The following ATG9A variants were observed in gnomAD, a reference collection of about 807,000 sequenced individuals.
The protein encoded by ATG9A is autophagy-related protein 9A.
ATG9A carries 21 observed loss-of-function variants against 87.1 expected under a neutral mutation model. The observed-to-expected ratio is 0.24, with a 90% CI of 0.17 to 0.35. ATG9A has a LOEUF of 0.35. Among genes scored for constraint, ATG9A ranks in the 10% least tolerant of loss-of-function variants. The pLI is 1.00. For missense variants in ATG9A, 836 were observed against 1,107.3 expected, an observed-to-expected ratio of 0.76 and a Z score of 3.48; for synonymous variants, 422 against 441.3, an observed-to-expected ratio of 0.96 and a Z score of 0.55.
At chr2:219,220,625 G>T in intron 15 of ATG9A, 122 bp downstream of exon 15, 1 of 1,491,328 alleles carries the variant, frequency 6.7e-7, no homozygotes, top group Non-Finnish European at 9.2e-7. Flanking sequence ...AGTGTGTTTT[G>T]GAAGGGAGGG....
Position 219,220,387 on chromosome 2 carries a change from CG to C in ATG9A, c.*59del. The C allele has an allele frequency of 6.3e-7, 1 of 1,598,264 alleles. No individual in the cohort carries two copies. The highest frequency in any genetic ancestry group is 1.1e-5 in the South Asian group (1 of 90,546). On this transcript the variant is annotated 3_prime_UTR_variant, in exon 16 of 16. Transcript: ENST00000361242. ...GAGGAGCCGTCCCATGGCAGGCAGA[CG>C]GGATGGCAGGGCAGCGGTGGCCTCC...
Position 219,227,471 on chromosome 2 carries a change from C to A in ATG9A, c.147+299G>T, listed in dbSNP as rs368672011. On this transcript the variant is annotated intron_variant, in intron 4 of 15. Transcript: ENST00000361242. The stretch of plus-strand genomic sequence containing the variant: ...GGTGGAGGTTGCAGTGTGTTGAGAT[C>A]GCCCCTGGACTCTAGCAGCAACAGA... Among the ~76,000 whole-genome samples, 3 of 151,832 alleles carry A rather than the reference C, an allele frequency of 2.0e-5. No homozygotes were observed. In the South Asian group the frequency reaches 6.2e-4, roughly 32 times the overall value.
In ATG9A at chr2:219,226,857, T is replaced by A. The variant is rs754032672; in HGVS notation, c.212+12A>T. On this transcript the variant is annotated intron_variant, in intron 5 of 15. Coordinates refer to ENST00000361242, the MANE Select transcript of ATG9A (RefSeq NM_001077198.3). ...TTCTTTCACCACATCATCTGTCCCT[T>A]CTTATACTTACATGAGCTCAAAGAT... The A allele has an allele frequency of 6.2e-7, 1 of 1,607,002 alleles. No homozygotes were observed. Among genetic ancestry groups the A allele is most frequent in the South Asian group, 1.1e-5 (1 of 90,940 alleles).
chr2:219,224,708 T>G lies in ATG9A; in HGVS notation c.663A>C (p.Ala221=). The G allele has an allele frequency of 6.2e-7, 1 of 1,614,214 alleles. No individual in the cohort carries two copies. Among genetic ancestry groups the G allele is most frequent in the Non-Finnish European group, 8.5e-7 (1 of 1,180,036 alleles). The change falls in exon 8 of 16, where the codon GCA becomes GCC. Residue 221 remains alanine (A), a synonymous_variant. Coordinates refer to ENST00000361242, the MANE Select transcript of ATG9A (RefSeq NM_001077198.3). The surrounding 1 kb of genome is among the most constrained non-coding windows in gnomAD (Gnocchi z 7.7). ...GAGGCAGGAGGGATTTGTTAACCAG[T>G]GCCACCATGTAGTTCTGGAAACGGA... ...RILRFQNYMV[A]LVNKSLLPLR... is the part of the protein sequence containing the mutation.
Position 219,222,023 on chromosome 2 carries a change from T to C in ATG9A, c.2145+27A>G, listed in dbSNP as rs1559243404. 1.2e-6 allele frequency: 2 copies of C among 1,600,860 alleles called. No individual in the cohort carries two copies. Among genetic ancestry groups the C allele is most frequent in the East Asian group, 4.5e-5 (2 of 44,720 alleles). On this transcript the variant is annotated intron_variant, in intron 13 of 15. Coordinates refer to ENST00000361242, the MANE Select transcript of ATG9A (RefSeq NM_001077198.3). The surrounding 1 kb of genome is among the most constrained non-coding windows in gnomAD (Gnocchi z 4.3). ...CTTGCTTCTCCGCATCTAAACCCTC[T>C]ACTCTCTTTTTTAGCTGTGCACTCA...
intron 13 of ATG9A, among the ~76,000 whole-genome samples, chr2:219,221,532 A>G (rs760929138): frequency 6.6e-6 from 1 of 152,114 alleles, no homozygotes; most frequent in Non-Finnish European, 1.5e-5. Flanking sequence ...TTACCTATTC[A>G]TTTGATTCAG....
Position 219,220,206 on chromosome 2 carries a change from C to A in ATG9A, c.*241G>T. The A allele has an allele frequency of 1.9e-6, 1 of 539,102 alleles. No homozygotes were observed. Among genetic ancestry groups the A allele is most frequent in the East Asian group, 2.9e-5 (1 of 34,784 alleles). The allele number at this position is 539,102 out of a possible 1,614,324, so 33.4% of individuals were successfully genotyped here. A position where few individuals can be genotyped will look rare whatever the true frequency, so the allele number is the denominator to read the frequency against. Reference sequence around the variant, plus strand: ...CCAGTTTCTAGCACCACACTCTGAGCCAAGGGGGTCCTGGGGATGAGGCTA... The same window carrying A: ...CCAGTTTCTAGCACCACACTCTGAGACAAGGGGGTCCTGGGGATGAGGCTA... On this transcript the variant is annotated 3_prime_UTR_variant, in exon 16 of 16. Coordinates refer to ENST00000361242, the MANE Select transcript of ATG9A (RefSeq NM_001077198.3).
chr2:219,226,327 T>C (rs1234955989), intron 5 of ATG9A, among the ~76,000 whole-genome samples: 1 of 152,168 alleles, frequency 6.6e-6, no homozygotes, highest in Non-Finnish European at 1.5e-5. Flanking sequence ...AGGTGTGAGC[T>C]GCCGTGCCCA....
rs143874098 is a variant in ATG9A, at chr2:219,226,546, G to A, written c.212+323C>T. On this transcript the variant is annotated intron_variant, in intron 5 of 15. Coordinates refer to ENST00000361242, the MANE Select transcript of ATG9A (RefSeq NM_001077198.3). ...CTAAAAATACAAAAAAAATTAGCCG[G>A]GCATGGTGGCACATGCCTGTAGTCC... Among the ~76,000 whole-genome samples, 855 of 152,126 alleles carry A rather than the reference G, an allele frequency of 5.6e-3. 10 individuals carry two copies. Among genetic ancestry groups the A allele is most frequent in the Middle Eastern group, 0.044 (13 of 294 alleles).
rs771415988 is a variant in ATG9A at position 219,222,089 on chromosome 2, T to C, written c.2106A>G (p.Ala702=). The change falls in exon 13 of 16, where the codon GCA becomes GCG. Residue 702 remains alanine, a synonymous_variant. Transcript: ENST00000361242. This position sits in a 1 kb window ranked among gnomAD's most constrained non-coding sequence, Gnocchi z 4.3. ...QLQSLVLSEY[A]STEMSLHALY... is the part of the protein sequence containing the mutation. ...GGGCATGCAGGCTCATCTCTGTGGA[T>C]GCATATTCTGACAGCACCAGGCTCT... 2.2e-5 allele frequency: 36 copies of C among 1,613,974 alleles called. No homozygotes were observed. The East Asian group carries it at 7.8e-4, about 35-fold the overall frequency.
rs1463751808 is a variant in ATG9A, at chr2:219,221,137, C to T, written c.2311G>A (p.Ala771Thr). 3.7e-6 allele frequency: 6 copies of T among 1,611,518 alleles called. No individual in the cohort carries two copies. The highest frequency in any genetic ancestry group is 3.4e-6 in the Non-Finnish European group (4 of 1,178,808). Residue 771 changes from alanine (A) to threonine (T), a missense_variant, in exon 14 of 16, where the codon GCT (alanine) becomes ACT (threonine). Physicochemically the swap from Ala to Thr is moderately conservative, Grantham distance 58. This residue lies in a region of ATG9A where 324 missense variants were observed against 347.6 expected (regional missense o/e 0.93). Coordinates refer to ENST00000361242, the MANE Select transcript of ATG9A (RefSeq NM_001077198.3). Reference sequence around the variant, plus strand: ...CCATGCAGGGCAGTGGTCTCAGGAGCTCCAGGCCGGGGTGCTGCACAGGGA... The same window carrying T: ...CCATGCAGGGCAGTGGTCTCAGGAGTTCCAGGCCGGGGTGCTGCACAGGGA... ...SYPCAAPRPG[A>T]PETTALHGGF...
At position 219,226,945 on chromosome 2, in the gene ATG9A, A is replaced by G. The variant is rs370321366; in HGVS notation, c.148-12T>C. The G allele has an allele frequency of 6.2e-7, 1 of 1,608,986 alleles. No individual in the cohort carries two copies. The highest frequency in any genetic ancestry group is 8.5e-7 in the Non-Finnish European group (1 of 1,175,424). On this transcript the variant is annotated splice_polypyrimidine_tract_variant and intron_variant, in intron 4 of 15. Transcript: ENST00000361242. ...TGCAGATTATAAACGTGTAATTGTT[A>G]AGAAAAAGTAGTCAGTAAAGAAAGC...
intron 13 of ATG9A, 62 bp downstream of exon 13, chr2:219,221,988 G>T: frequency 6.8e-7 from 1 of 1,467,144 alleles, no homozygotes; most frequent in South Asian, 1.2e-5. Flanking sequence ...GAAGGGTTTG[G>T]AACCCCGGTC....
At position 219,223,412 on chromosome 2, in the gene ATG9A, T is replaced by C. The variant is rs1034463557; in HGVS notation, c.1599+173A>G. Among the ~76,000 whole-genome samples the C allele has an allele frequency of 1.7e-4, 26 of 152,192 alleles. No homozygotes were observed. Among genetic ancestry groups the C allele is most frequent in the African/African-American group, 6.0e-4 (25 of 41,528 alleles). ...CGTGTTGTGCCTTTCTTAAGGGAGC[T>C]TGGCCAAGGGTGCGAATTAGGGCTG... On this transcript the variant is annotated intron_variant, in intron 10 of 15. Transcript: ENST00000361242. The surrounding 1 kb of genome is among the most constrained non-coding windows in gnomAD (Gnocchi z 4.7).
intron 5 of ATG9A, among the ~76,000 whole-genome samples, chr2:219,226,595 G>A (rs1366731176): frequency 6.6e-6 from 1 of 152,074 alleles, no homozygotes; most frequent in Non-Finnish European, 1.5e-5. Flanking sequence ...GGCTGAGGCA[G>A]GAGAATCACT....
At position 219,222,242 on chromosome 2, in the gene ATG9A, G is replaced by A; in HGVS notation, c.2027+30C>T. On this transcript the variant is annotated intron_variant, in intron 12 of 15. Transcript: ENST00000361242. The surrounding 1 kb of genome is among the most constrained non-coding windows in gnomAD (Gnocchi z 4.3). ...CACACAAGCTGCTGAGGGCTGCCGT[G>A]CCCTCCCATCTTGGCCCCGATTTAC... The A allele has an allele frequency of 6.2e-7, 1 of 1,613,444 alleles. No homozygotes were observed. Among genetic ancestry groups the A allele is most frequent in the Non-Finnish European group, 8.5e-7 (1 of 1,179,896 alleles).
rs1398608237 is a variant in ATG9A, at chr2:219,224,874, A to G, written c.517-20T>C. On this transcript the variant is annotated intron_variant, in intron 7 of 15. Coordinates refer to ENST00000361242, the MANE Select transcript of ATG9A (RefSeq NM_001077198.3). This position sits in a 1 kb window ranked among gnomAD's most constrained non-coding sequence, Gnocchi z 7.7. Reference sequence around the variant, plus strand: ...GGCAGACTGCGGGGTGGGGTGGGGAAGAGACAAGGTACGGAAGGTGGGGTT... The same window carrying G: ...GGCAGACTGCGGGGTGGGGTGGGGAGGAGACAAGGTACGGAAGGTGGGGTT... 6.2e-7 allele frequency: 1 copy of G among 1,609,844 alleles called. No individual in the cohort carries two copies. The highest frequency in any genetic ancestry group is 1.7e-5 in the Admixed American group (1 of 59,992).
Position 219,220,142 on chromosome 2 carries a change from G to T in ATG9A, c.*305C>A. ...GGCAGCCCTCTGGGGACTTGCAGGG[G>T]TAGGTGTAAAGGTGGCAGTACTGGG... On this transcript the variant is annotated 3_prime_UTR_variant, in exon 16 of 16. Transcript: ENST00000361242. 1 of 425,500 alleles carries T rather than the reference G, an allele frequency of 2.4e-6. No homozygotes were observed. 26.4% of individuals were successfully genotyped at this position (425,500 alleles called of 1,614,324 possible).
chr2:219,220,119 C>T lies in ATG9A; in HGVS notation c.*328G>A. On this transcript the variant is annotated 3_prime_UTR_variant, in exon 16 of 16. Transcript: ENST00000361242. ...CCTGCTTGGCAGCTTCTATCGTGGG[C>T]AGCCCTCTGGGGACTTGCAGGGGTA... The T allele has an allele frequency of 2.7e-6, 1 of 368,254 alleles. No homozygotes were observed. The highest frequency in any genetic ancestry group is 6.1e-5 in the South Asian group (1 of 16,356). The allele number at this position is 368,254 out of a possible 1,614,324, so 22.8% of individuals were successfully genotyped here.
Sources: gnomAD v4.1 joint callset for allele counts (sites outside exome capture counted in the v4.1 genomes callset) on GRCh38, gnomAD v4.1.1 for gene constraint, gnomAD v4.1.1 regional missense constraint, Gnocchi (gnomAD v3.1) non-coding constraint, MANE v1.5 for transcripts, NCBI Gene and HGNC (gene_info 2026-07-23, HGNC 2026-07-21) for gene names.